Variants in IL17RD observed in about 807,000 individuals in gnomAD.
IL17RD encodes interleukin-17 receptor D.
Under a neutral mutation model 80.5 loss-of-function variants are expected in IL17RD, and 52 were observed. The ratio of observed to expected loss-of-function variants is 0.65; its 90% CI spans 0.52 to 0.81. The LOEUF (loss-of-function observed/expected upper bound fraction) is 0.81, where lower values mean the gene tolerates loss of function less well. Ranked by LOEUF, IL17RD falls within the 40% of genes least tolerant of loss-of-function variation. The pLI, the probability that IL17RD is intolerant of heterozygous loss-of-function variation, is 0.00. For synonymous variants in IL17RD, 416 were observed against 391.8 expected, an observed-to-expected ratio of 1.06 and a Z score of -0.73; for missense variants, 1,024 against 955.1, an observed-to-expected ratio of 1.07 and a Z score of -0.95.
At chr3:57,138,821 C>T (rs755750593) in intron 1 of IL17RD, among the ~76,000 whole-genome samples, 24 of 151,590 alleles carry the variant, frequency 1.6e-4, no homozygotes, top group Non-Finnish European at 3.4e-4. Context: ...TGCCTGTAAT[C>T]CCAGCTACTC....
intron 1 of IL17RD, among the ~76,000 whole-genome samples, chr3:57,145,319 TG>T (rs1461527686): frequency 6.6e-6 from 1 of 152,080 alleles, no homozygotes; most frequent in Non-Finnish European, 1.5e-5. Context: ...TGTTAAAAAT[TG>T]GGAGATGCAC....
intron 1 of IL17RD, among the ~76,000 whole-genome samples, chr3:57,161,619 T>C (rs1248053256): frequency 2.0e-5 from 3 of 152,104 alleles, no homozygotes; most frequent in East Asian, 3.8e-4. Context: ...AGGCAAGAAA[T>C]GTTCCCTCCT....
intron 1 of IL17RD, among the ~76,000 whole-genome samples, chr3:57,124,789 A>G (rs913056022): frequency 1.3e-5 from 2 of 152,202 alleles, no homozygotes; most frequent in Non-Finnish European, 2.9e-5. Context: ...CAGCTGCAAT[A>G]TGGATAAAAT....
intron 1 of IL17RD, among the ~76,000 whole-genome samples, chr3:57,164,092 A>C (rs73833809): frequency 0.016 from 2,479 of 152,318 alleles, 75 homozygotes; most frequent in African/African-American, 0.057. Flanking sequence ...ATACTAAGGA[A>C]ATTCTCATTT....
chr3:57,149,391 T>G (rs1708005652), intron 1 of IL17RD, among the ~76,000 whole-genome samples: 1 of 152,162 alleles, frequency 6.6e-6, no homozygotes, highest in African/African-American at 2.4e-5. Context: ...TTCCTTCTTC[T>G]CTGTACTTAC....
chr3:57,110,184 G>A lies in IL17RD; in HGVS notation c.429+9C>T. ...TGTCTTCAGGAGCACGTTCCCCAGT[G>A]TGACTTACAGTTCTTTTGAAGCTAC... On this transcript the variant is annotated intron_variant, in intron 4 of 12. Coordinates refer to ENST00000296318, the MANE Select transcript of IL17RD (RefSeq NM_017563.5). 1 of 1,581,240 alleles carries A rather than the reference G, an allele frequency of 6.3e-7. No individual in the cohort carries two copies. The highest frequency in any genetic ancestry group is 8.6e-7 in the Non-Finnish European group (1 of 1,162,238).
In IL17RD at chr3:57,101,233, G is replaced by A. The variant is rs766403704; in HGVS notation, c.1110C>T (p.His370=). The A allele has an allele frequency of 6.2e-7, 1 of 1,613,800 alleles. No homozygotes were observed. The highest frequency in any genetic ancestry group is 1.1e-5 in the South Asian group (1 of 91,054). Residue 370 remains histidine (H), a synonymous_variant, in exon 11 of 13, where the codon CAC becomes CAT. Coordinates refer to ENST00000296318, the MANE Select transcript of IL17RD (RefSeq NM_017563.5). The stretch of plus-strand genomic sequence containing the variant: ...AGGCGAAACACTGGACGACATTCAT[G>A]TGATTCTGGCCATCTTTACTGGAAT... ...LCYSSKDGQN[H]MNVVQCFAYF...
chr3:57,092,766 G>A lies in IL17RD; in HGVS notation c.*3627C>T, dbSNP rs1445183326. The A allele has an allele frequency of 6.6e-6, 1 of 152,184 alleles. No individual in the cohort carries two copies. The highest frequency in any genetic ancestry group is 1.9e-4 in the East Asian group (1 of 5,194). The allele number at this position is 152,184 out of a possible 1,614,324, so 9.4% of individuals were successfully genotyped here. A position where few individuals can be genotyped will look rare whatever the true frequency, so the allele number is the denominator to read the frequency against. On this transcript the variant is annotated 3_prime_UTR_variant, in exon 13 of 13. Transcript: ENST00000296318. ...AAATTTCTTTGCGGGGGAGACTGGAGAAAGAAGCAATCTAACTACTGGCTG... is the reference window on the plus strand; with the variant it reads ...AAATTTCTTTGCGGGGGAGACTGGAAAAAGAAGCAATCTAACTACTGGCTG...
At chr3:57,142,494 A>G (rs1462209768) in intron 1 of IL17RD, 1 of 1,288,142 alleles carries the variant, frequency 7.8e-7, no homozygotes, top group Non-Finnish European at 1.0e-6. Context: ...CCTGAGGCAG[A>G]AGCGCGTGGC....
intron 1 of IL17RD, among the ~76,000 whole-genome samples, chr3:57,138,079 A>C (rs186455580): frequency 1.2e-4 from 18 of 152,296 alleles, no homozygotes; most frequent in Non-Finnish European, 2.2e-4. Context: ...ACATGAATAG[A>C]GATAGCCAGG....
intron 1 of IL17RD, among the ~76,000 whole-genome samples, chr3:57,126,573 G>A (rs992974385): frequency 3.3e-5 from 5 of 152,200 alleles, no homozygotes; most frequent in African/African-American, 9.7e-5. Flanking sequence ...AACTTCCTGA[G>A]GGGCCTTTGG....
chr3:57,092,585 T>C lies in IL17RD; in HGVS notation c.*3808A>G, dbSNP rs995070658. ...GCCTGGGCAACAGAGCAAGACTCCA[T>C]CTCAAAAAAAAAAAAATGAAATTGT... On this transcript the variant is annotated 3_prime_UTR_variant, in exon 13 of 13. Transcript: ENST00000296318. 1.1e-5 allele frequency: 1 copy of C among 91,350 alleles called. No individual in the cohort carries two copies. Among genetic ancestry groups the C allele is most frequent in the East Asian group, 2.0e-4 (1 of 4,972 alleles). 5.7% of individuals were successfully genotyped at this position (91,350 alleles called of 1,614,324 possible). A position where few individuals can be genotyped will look rare whatever the true frequency, so the allele number is the denominator to read the frequency against.
At position 57,098,255 on chromosome 3, in the gene IL17RD, G is replaced by A; in HGVS notation, c.1448C>T (p.Ser483Phe). 6.2e-7 allele frequency: 1 copy of A among 1,613,932 alleles called. No homozygotes were observed. Reference protein sequence around the residue: ...SKFIAVYFDYSCEGDVPGILD... With the variant: ...SKFIAVYFDYFCEGDVPGILD... ...GATACCGGGGACGTCTCCCTCGCAG[G>A]AATAATCAAAGTAGACGGCGATAAA... Residue 483 changes from serine (S) to phenylalanine (F), a missense_variant, in exon 12 of 13, where the codon TCC becomes TTC. By Grantham distance (155) the Ser-to-Phe change is radical (BLOSUM62 -2). Coordinates refer to ENST00000296318, the MANE Select transcript of IL17RD (RefSeq NM_017563.5).
rs1559477382 is a variant in IL17RD at position 57,127,395 on chromosome 3, A to AT, written c.127-7083_127-7082insA. On this transcript the variant is annotated intron_variant, in intron 1 of 12. Coordinates refer to ENST00000296318, the MANE Select transcript of IL17RD (RefSeq NM_017563.5). ...ATATATATAAATAAATAAATAAATA[A>AT]ATATATATATATATATATTTTTTTT... 3.5e-3 allele frequency among the ~76,000 whole-genome samples: 300 copies of AT among 86,608 alleles called. 29 individuals carry two copies. The highest frequency in any genetic ancestry group is 6.5e-3 in the Admixed American group (39 of 5,990). 56.8% of individuals were successfully genotyped at this position (86,608 alleles called of 152,430 possible). A position where few individuals can be genotyped will look rare whatever the true frequency, so the allele number is the denominator to read the frequency against.
At chr3:57,098,573 A>T (rs1336853399) in intron 11 of IL17RD, 35 bp from the exon 12 acceptor site, 3 of 1,426,290 alleles carry the variant, frequency 2.1e-6, no homozygotes, top group Non-Finnish European at 2.9e-6. Flanking sequence ...CCCATACAGA[A>T]GGCTCGGGAA....
chr3:57,102,475 A>T lies in IL17RD; in HGVS notation c.979+4T>A. ...GTGGGGAGACACAGCACACAAAGAGATACCTTGTTGCTTCTTGCGGCACAT... is the reference window on the plus strand; with the variant it reads ...GTGGGGAGACACAGCACACAAAGAGTTACCTTGTTGCTTCTTGCGGCACAT... On this transcript the variant is annotated splice_donor_region_variant and intron_variant, in intron 10 of 12. Coordinates refer to ENST00000296318, the MANE Select transcript of IL17RD (RefSeq NM_017563.5). The T allele has an allele frequency of 6.6e-7, 1 of 1,507,176 alleles. No individual in the cohort carries two copies. Among genetic ancestry groups the T allele is most frequent in the Non-Finnish European group, 9.1e-7 (1 of 1,098,762 alleles). The allele number at this position is 1,507,176 out of a possible 1,614,324, so 93.4% of individuals were successfully genotyped here.
At position 57,095,190 on chromosome 3, in the gene IL17RD, A is replaced by G. The variant is rs1429763686; in HGVS notation, c.*1203T>C. 6.6e-6 allele frequency: 1 copy of G among 152,262 alleles called. No individual in the cohort carries two copies. The highest frequency in any genetic ancestry group is 1.5e-5 in the Non-Finnish European group (1 of 68,052). The allele number at this position is 152,262 out of a possible 1,614,324, so 9.4% of individuals were successfully genotyped here. A position where few individuals can be genotyped will look rare whatever the true frequency, so the allele number is the denominator to read the frequency against. On this transcript the variant is annotated 3_prime_UTR_variant, in exon 13 of 13. Transcript: ENST00000296318. ...CCATGAGAAAGGTAGTGAGAGATGT[A>G]CACACCTGCTCTAAGGCACAGGGAG...
chr3:57,146,294 T>C (rs983478120), intron 1 of IL17RD, among the ~76,000 whole-genome samples: 1 of 152,332 alleles, frequency 6.6e-6, no homozygotes, highest in East Asian at 1.9e-4. Context: ...TAACACTCTC[T>C]ACTAAGCGAC....
At chr3:57,124,126 C>A (rs952292126) in intron 1 of IL17RD, among the ~76,000 whole-genome samples, 1 of 152,174 alleles carries the variant, frequency 6.6e-6, no homozygotes, top group Non-Finnish European at 1.5e-5. Flanking sequence ...CACAGATGCT[C>A]TATAAGGCTG....
Sources: gnomAD v4.1 joint callset for allele counts (sites outside exome capture counted in the v4.1 genomes callset) on GRCh38, gnomAD v4.1.1 for gene constraint, MANE v1.5 for transcripts, NCBI Gene and HGNC (gene_info 2026-07-23, HGNC 2026-07-21) for gene names.